The following SNX11 variants were observed in gnomAD, a reference collection of about 807,000 sequenced individuals.
SNX11 encodes the protein sorting nexin 11, also known as sorting nexin-11.
SNX11 carries 19 observed loss-of-function variants against 30.7 expected under a neutral mutation model. The ratio of observed to expected loss-of-function variants is 0.62; its 90% CI spans 0.43 to 0.91. The LOEUF (loss-of-function observed/expected upper bound fraction) is 0.91, where lower values mean the gene tolerates loss of function less well. Among genes scored for constraint, SNX11 ranks in the 40% least tolerant of loss-of-function variants. The probability of loss-of-function intolerance (pLI) is 0.00; values close to 1 mark genes in which losing one functional copy is unlikely to be tolerated. For synonymous variants in SNX11, 112 were observed against 119.0 expected (o/e 0.94, Z 0.38); for missense variants, 302 against 326.7 (o/e 0.92, Z 0.58).
chr17:48,109,871 C>T (rs2063473979), intron 1 of SNX11, among the ~76,000 whole-genome samples: 1 of 152,158 alleles, frequency 6.6e-6, no homozygotes, highest in African/African-American at 2.4e-5. Flanking sequence ...AGAAGAATTT[C>T]TTCATGAAGG....
Position 48,119,014 on chromosome 17 carries a change from C to T in SNX11, c.367C>T (p.His123Tyr), listed in dbSNP as rs2144529502. ...GGTTCTCCTGTCAGACAGCCAGTTG[C>T]ACCTATTCCTGCAAAGCCAGCTCTC... Reference protein sequence around the residue: ...SVVLLSDSQLHLFLQSQLSVP... With the variant: ...SVVLLSDSQLYLFLQSQLSVP... Residue 123 changes from histidine (H) to tyrosine (Y), a missense_variant, in exon 6 of 7, where the codon CAC (histidine) becomes TAC (tyrosine). By Grantham distance (83) the His-to-Tyr change is moderately conservative (BLOSUM62 2). Transcript: ENST00000359238. 6.2e-7 allele frequency: 1 copy of T among 1,614,008 alleles called. No homozygotes were observed. The highest frequency in any genetic ancestry group is 8.5e-7 in the Non-Finnish European group (1 of 1,179,988).
At chr17:48,112,416 T>C in intron 2 of SNX11, 158 bp from the exon 3 acceptor site, 1 of 677,058 alleles carries the variant, frequency 1.5e-6, no homozygotes, top group South Asian at 1.7e-5. Context: ...ATTTGTTGAA[T>C]TGAGTGACTG....
rs775932585 is a variant in SNX11 at position 48,119,122 on chromosome 17, T to C, written c.475T>C (p.Cys159Arg). 1.9e-6 allele frequency: 3 copies of C among 1,614,138 alleles called. No homozygotes were observed. Among genetic ancestry groups the C allele is most frequent in the Middle Eastern group, 3.3e-4 (2 of 6,060 alleles). ...DAILRYAMSNCGWAQEERQSS... is the reference protein window; with the variant it reads ...DAILRYAMSNRGWAQEERQSS... ...CATTCTTCGATATGCTATGTCAAAC[T>C]GTGGCTGGGCCCAGGAAGAGAGGCA... Residue 159 changes from cysteine (C) to arginine (R), a missense_variant, in exon 6 of 7, where the codon TGT becomes CGT. Cys to Arg is a radical substitution (Grantham distance 180, BLOSUM62 -3). Coordinates refer to ENST00000359238, the MANE Select transcript of SNX11 (RefSeq NM_013323.3).
At chr17:48,109,351 C>G (rs2063467691) in intron 1 of SNX11, among the ~76,000 whole-genome samples, 1 of 150,776 alleles carries the variant, frequency 6.6e-6, no homozygotes, top group Admixed American at 6.6e-5. Context: ...CCTCCACCTC[C>G]TGGGTTCAAC....
At chr17:48,115,926 T>A (rs563091920) in intron 4 of SNX11, among the ~76,000 whole-genome samples, 1 of 147,280 alleles carries the variant, frequency 6.8e-6, no homozygotes, top group South Asian at 2.2e-4. Flanking sequence ...TTTTTTGTTT[T>A]GTTTTTCTTT....
intron 1 of SNX11, among the ~76,000 whole-genome samples, chr17:48,111,756 G>C (rs1435562257): frequency 2.0e-5 from 3 of 152,138 alleles, no homozygotes; most frequent in Non-Finnish European, 4.4e-5. Flanking sequence ...GGCTGCGTGT[G>C]ACAAACTTTC....
In SNX11 at chr17:48,112,701, A is replaced by G. The variant is rs374451851; in HGVS notation, c.129+41A>G. 18 of 1,297,164 alleles carry G rather than the reference A, an allele frequency of 1.4e-5. No individual in the cohort carries two copies. The African/African-American group carries it at 1.9e-4, about 14-fold the overall frequency. The allele number at this position is 1,297,164 out of a possible 1,614,324, so 80.4% of individuals were successfully genotyped here. A position where few individuals can be genotyped will look rare whatever the true frequency, so the allele number is the denominator to read the frequency against. ...TTCTGTATTGGGGTCAGCGCTCTGC[A>G]GGGCTGAGGGGCTTGTACTGAGGTG... On this transcript the variant is annotated intron_variant, in intron 3 of 6. Coordinates refer to ENST00000359238, the MANE Select transcript of SNX11 (RefSeq NM_013323.3).
chr17:48,114,748 C>T (rs2063527705), intron 4 of SNX11, among the ~76,000 whole-genome samples: 1 of 149,514 alleles, frequency 6.7e-6, no homozygotes, highest in Admixed American at 6.7e-5. Flanking sequence ...CAGTGACACC[C>T]TCCACCTCCC....
chr17:48,108,519 A>G (rs772492430), intron 1 of SNX11, among the ~76,000 whole-genome samples: 88 of 152,210 alleles, frequency 5.8e-4, no homozygotes, highest in Non-Finnish European at 1.1e-3. Context: ...AGTTGTTTAA[A>G]TGGGAGAGAA....
chr17:48,109,142 AG>A, intron 1 of SNX11, among the ~76,000 whole-genome samples: 1 of 150,758 alleles, frequency 6.6e-6, no homozygotes, highest in East Asian at 2.0e-4. Flanking sequence ...CTTGTTGGCC[AG>A]GCTGTTCTTG....
At chr17:48,118,051 G>C (rs1385604762) in intron 4 of SNX11, among the ~76,000 whole-genome samples, 1 of 152,112 alleles carries the variant, frequency 6.6e-6, no homozygotes, top group Non-Finnish European at 1.5e-5. Context: ...AAATCAAACA[G>C]ACAAAAATAA....
chr17:48,118,577 CAAAA>C (rs35405067), intron 4 of SNX11, 123 bp from the exon 5 acceptor site: 246 of 483,338 alleles, frequency 5.1e-4, no homozygotes, highest in Middle Eastern at 1.1e-3. Flanking sequence ...GACTCCATCT[CAAAA>C]AAAAAAAAAA....
chr17:48,112,513 C>T, intron 2 of SNX11, 61 bp from the exon 3 acceptor site: 1 of 1,088,572 alleles, frequency 9.2e-7, no homozygotes, highest in Non-Finnish European at 1.4e-6. Flanking sequence ...ATCTAGCGAC[C>T]TGTGTTGTCA....
At chr17:48,118,157 T>C (rs1226929176) in intron 4 of SNX11, among the ~76,000 whole-genome samples, 1 of 152,242 alleles carries the variant, frequency 6.6e-6, no homozygotes, top group Non-Finnish European at 1.5e-5. Context: ...TTAACTTCTC[T>C]GATCTGAAGT....
At position 48,119,024 on chromosome 17, in the gene SNX11, T is replaced by C; in HGVS notation, c.377T>C (p.Leu126Pro). ...TCAGACAGCCAGTTGCACCTATTCC[T>C]GCAAAGCCAGCTCTCGGTGCCTGAG... ...LLSDSQLHLF[L>P]QSQLSVPEIE... Residue 126 changes from leucine to proline, a missense_variant, in exon 6 of 7, where the codon CTG becomes CCG. Physicochemically the swap from Leu to Pro is moderately conservative, Grantham distance 98. Coordinates refer to ENST00000359238, the MANE Select transcript of SNX11 (RefSeq NM_013323.3). The C allele has an allele frequency of 6.2e-7, 1 of 1,613,848 alleles. No homozygotes were observed.
In SNX11 at chr17:48,119,000, C is replaced by T; in HGVS notation, c.353C>T (p.Ser118Leu). Reference sequence around the variant, plus strand: ...GTCCTGCAGAGTGTGGTTCTCCTGTCAGACAGCCAGTTGCACCTATTCCTG... The same window carrying T: ...GTCCTGCAGAGTGTGGTTCTCCTGTTAGACAGCCAGTTGCACCTATTCCTG... Reference protein sequence around the residue: ...EKVLQSVVLLSDSQLHLFLQS... With the variant: ...EKVLQSVVLLLDSQLHLFLQS... Residue 118 changes from serine to leucine, a missense_variant, in exon 6 of 7, where the codon TCA (serine) becomes TTA (leucine). Transcript: ENST00000359238. 1.2e-6 allele frequency: 2 copies of T among 1,614,006 alleles called. No homozygotes were observed. The highest frequency in any genetic ancestry group is 1.7e-6 in the Non-Finnish European group (2 of 1,180,016).
At chr17:48,119,836 A>C (rs1172781777) in intron 6 of SNX11, among the ~76,000 whole-genome samples, 1 of 152,204 alleles carries the variant, frequency 6.6e-6, no homozygotes, top group African/African-American at 2.4e-5. Flanking sequence ...GGGTTGTATA[A>C]CTGTCAGCCA....
chr17:48,112,394 G>A (rs2063500804), intron 2 of SNX11, 180 bp from the exon 3 acceptor site: 1 of 664,562 alleles, frequency 1.5e-6, no homozygotes, highest in African/African-American at 1.8e-5. Flanking sequence ...CACGTAGTGG[G>A]GCTCAGTAAA....
At chr17:48,108,994 G>A (rs1389450178) in intron 1 of SNX11, among the ~76,000 whole-genome samples, 1 of 152,194 alleles carries the variant, frequency 6.6e-6, no homozygotes, top group African/African-American at 2.4e-5. Context: ...GTGCAGTGGT[G>A]TGATCTTGGC....
Sources: gnomAD v4.1 joint callset for allele counts (sites outside exome capture counted in the v4.1 genomes callset) on GRCh38, gnomAD v4.1.1 for gene constraint, MANE v1.5 for transcripts, NCBI Gene and HGNC (gene_info 2026-07-23, HGNC 2026-07-21) for gene names.